SLC28A2: variants seen among roughly 807,000 people sequenced by gnomAD.
The protein encoded by SLC28A2 is sodium/nucleoside cotransporter 2.
SLC28A2 carries 69 observed loss-of-function variants against 72.9 expected under a neutral mutation model. The ratio of observed to expected loss-of-function variants is 0.95; its 90% CI spans 0.78 to 1.16. The LOEUF (loss-of-function observed/expected upper bound fraction) is 1.16, where lower values mean the gene tolerates loss of function less well. Among genes scored for constraint, SLC28A2 ranks in the 50% most tolerant of loss-of-function variants. The pLI is 0.00. For missense variants in SLC28A2, 745 were observed against 791.1 expected (o/e 0.94, Z 0.70); for synonymous variants, 296 against 294.1 (o/e 1.01, Z -0.07).
chr15:45,264,964 G>C, intron 7 of SLC28A2, 125 bp from the exon 8 acceptor site: 2 of 830,602 alleles, frequency 2.4e-6, no homozygotes, highest in Non-Finnish European at 4.1e-6. Context: ...CCCCTGGGCT[G>C]TCAAAGGGAG....
chr15:45,264,880 C>T (rs1389050068), intron 7 of SLC28A2, 112 bp downstream of exon 7: 1 of 777,312 alleles, frequency 1.3e-6, no homozygotes, highest in African/African-American at 1.7e-5. Context: ...GGTGGAAGAT[C>T]TGGTTGGGAA....
At chr15:45,267,412 GTTACACCTTCT>G in intron 10 of SLC28A2, 32 bp from the exon 11 acceptor site, 1 of 1,612,448 alleles carries the variant, frequency 6.2e-7, no homozygotes, top group Non-Finnish European at 8.5e-7. Context: ...GGCATGGGGA[GTTACACCTTCT>G]TGGAATCTGA....
chr15:45,262,881 A>C (rs183829634), intron 4 of SLC28A2, among the ~76,000 whole-genome samples, 180 bp from the exon 5 acceptor site: 2 of 152,318 alleles, frequency 1.3e-5, no homozygotes, highest in East Asian at 3.9e-4. Flanking sequence ...CCTCAAGAAG[A>C]GGACAGTTAG....
chr15:45,265,106 T>C lies in SLC28A2; in HGVS notation c.720T>C (p.Thr240=), dbSNP rs757982062. Residue 240 remains threonine (T), a synonymous_variant, in exon 8 of 18, where the codon ACT becomes ACC. Transcript: ENST00000347644. ...GEQVQIFLNY[T]VAGSSFVFGD... is the part of the protein sequence containing the mutation. ...CCCTTCAGATTTTCCTGAACTACAC[T>C]GTGGCCGGCTCCAGTTTTGTCTTTG... is the stretch of plus-strand genomic sequence containing the variant. 8.7e-6 allele frequency: 14 copies of C among 1,612,636 alleles called. No homozygotes were observed. Among genetic ancestry groups the C allele is most frequent in the Non-Finnish European group, 1.2e-5 (14 of 1,178,630 alleles).
chr15:45,269,592 G>C (rs1242052712), intron 14 of SLC28A2, 57 bp downstream of exon 14: 2 of 1,489,824 alleles, frequency 1.3e-6, no homozygotes, highest in African/African-American at 2.8e-5. Context: ...GGTTATCTGA[G>C]GGTAGACAGA....
intron 3 of SLC28A2, among the ~76,000 whole-genome samples, chr15:45,254,735 T>C (rs553742482): frequency 2.0e-4 from 30 of 152,366 alleles, no homozygotes; most frequent in African/African-American, 7.0e-4. Context: ...TTTTGAAAGT[T>C]ACCTCAGTGA....
chr15:45,268,069 G>C, intron 12 of SLC28A2, 141 bp from the exon 13 acceptor site: 1 of 786,294 alleles, frequency 1.3e-6, no homozygotes, highest in South Asian at 1.8e-5. Context: ...TCCACTAATA[G>C]GGTCACTGAG....
At position 45,266,120 on chromosome 15, in the gene SLC28A2, A is replaced by G; in HGVS notation, c.901A>G (p.Thr301Ala). The G allele has an allele frequency of 1.2e-6, 2 of 1,613,962 alleles. No homozygotes were observed. The highest frequency in any genetic ancestry group is 8.5e-7 in the Non-Finnish European group (1 of 1,179,804). Residue 301 changes from threonine to alanine, a missense_variant, in exon 10 of 18, where the codon ACA becomes GCA. Thr to Ala is a moderately conservative substitution (Grantham distance 58, BLOSUM62 0). Transcript: ENST00000347644. ...ACAAATCACTATGGGCACCACTGCT[A>G]CAGAGACCCTGGCTGTGGCAGGAAA... is the stretch of plus-strand genomic sequence containing the variant. ...FLQITMGTTA[T>A]ETLAVAGNIF...
rs766030424 is a variant in SLC28A2 at position 45,272,785 on chromosome 15, G to A, written c.1859+1G>A. On this transcript the variant is annotated splice_donor_variant, in intron 17 of 17. Transcript: ENST00000347644. LOFTEE classifies it high-confidence loss of function. Reference sequence around the variant, plus strand: ...TGTGCTGCAGAGGGCTCTTTCAGAGGTGAGCACCAGGACCCCATTCCTTTC... The same window carrying A: ...TGTGCTGCAGAGGGCTCTTTCAGAGATGAGCACCAGGACCCCATTCCTTTC... 5.3e-6 allele frequency: 8 copies of A among 1,505,522 alleles called. No individual in the cohort carries two copies. The African/African-American group carries it at 6.9e-5, about 13-fold the overall frequency. The allele number at this position is 1,505,522 out of a possible 1,614,324, so 93.3% of individuals were successfully genotyped here.
rs376585972 is a variant in SLC28A2, at chr15:45,272,287, G to A, written c.1649-8G>A. 7.8e-5 allele frequency: 125 copies of A among 1,611,452 alleles called. No homozygotes were observed. Among genetic ancestry groups the A allele is most frequent in the Non-Finnish European group, 1.0e-4 (119 of 1,178,884 alleles). ...AAAGCTGAAGTTATTTTATTTTATTGTCTGCAGCATCAATAGTACCTCACC... is the reference window on the plus strand; with the variant it reads ...AAAGCTGAAGTTATTTTATTTTATTATCTGCAGCATCAATAGTACCTCACC... On this transcript the variant is annotated splice_region_variant and splice_polypyrimidine_tract_variant and intron_variant, in intron 15 of 17. Transcript: ENST00000347644.
intron 3 of SLC28A2, among the ~76,000 whole-genome samples, chr15:45,259,301 T>C (rs1230210967): frequency 6.6e-6 from 1 of 152,322 alleles, no homozygotes; most frequent in East Asian, 1.9e-4. Flanking sequence ...AGCCATCATG[T>C]TGTATACCAT....
rs769219141 is a variant in SLC28A2, at chr15:45,253,304, C to T, written c.81+8C>T. 2 of 1,608,696 alleles carry T rather than the reference C, an allele frequency of 1.2e-6. No homozygotes were observed. Among genetic ancestry groups the T allele is most frequent in the Admixed American group, 1.7e-5 (1 of 59,968 alleles). ...CCGGGGCTGGAGCTCATGGTAATCA[C>T]CAGTTTAGTTTCTCTCTGCAGAGCT... On this transcript the variant is annotated splice_region_variant and intron_variant, in intron 2 of 17. Transcript: ENST00000347644.
chr15:45,269,084 G>A (rs1900449132), intron 13 of SLC28A2, among the ~76,000 whole-genome samples: 1 of 150,832 alleles, frequency 6.6e-6, no homozygotes, highest in African/African-American at 2.4e-5. Context: ...GAGTTGATGG[G>A]TGCAGCACAC....
intron 3 of SLC28A2, among the ~76,000 whole-genome samples, chr15:45,257,663 G>A (rs536731888): frequency 6.6e-6 from 1 of 152,068 alleles, no homozygotes; most frequent in East Asian, 1.9e-4. Context: ...GATGATCTGG[G>A]GTGCTTTGTA....
chr15:45,259,285 A>G (rs1900074455), intron 3 of SLC28A2, among the ~76,000 whole-genome samples: 2 of 152,178 alleles, frequency 1.3e-5, no homozygotes, highest in Non-Finnish European at 2.9e-5. Context: ...ATTTATATAT[A>G]TTTTAAGCCA....
At chr15:45,263,790 C>A in intron 5 of SLC28A2, 91 bp from the exon 6 acceptor site, 1 of 1,338,602 alleles carries the variant, frequency 7.5e-7, no homozygotes, top group Non-Finnish European at 1.0e-6. Context: ...GATCACAGGC[C>A]AGGAGTGAGA....
chr15:45,262,189 G>A, intron 4 of SLC28A2, 83 bp downstream of exon 4: 2 of 943,302 alleles, frequency 2.1e-6, no homozygotes, highest in East Asian at 2.4e-5. Flanking sequence ...CCAGGTGGAA[G>A]GCATTTTTAT....
Position 45,275,442 on chromosome 15 carries a change from G to A in SLC28A2, c.1906G>A (p.Glu636Lys). 2 of 1,613,880 alleles carry A rather than the reference G, an allele frequency of 1.2e-6. No homozygotes were observed. Among genetic ancestry groups the A allele is most frequent in the Non-Finnish European group, 1.7e-6 (2 of 1,179,792 alleles). The change falls in exon 18 of 18, where the codon GAA becomes AAA. Residue 636 changes from glutamate (E) to lysine (K), a missense_variant. Transcript: ENST00000347644. ...CCCTCCTTCTTTTTCTGGTCCCTGG[G>A]AAGATAAGGAGTTCAGTGCTATGGC... ...TNPPSFSGPW[E>K]DKEFSAMALT... is the part of the protein sequence containing the mutation.
intron 6 of SLC28A2, 106 bp from the exon 7 acceptor site, chr15:45,264,549 A>C: frequency 1.4e-6 from 1 of 738,194 alleles, no homozygotes; most frequent in South Asian, 1.6e-5. Flanking sequence ...CCCTAGACTT[A>C]CTGTTAATAT....
Sources: allele counts gnomAD v4.1 joint callset (sites outside exome capture counted in the v4.1 genomes callset), GRCh38; gene constraint gnomAD v4.1.1; transcripts MANE v1.5; gene names NCBI Gene and HGNC (gene_info 2026-07-23, HGNC 2026-07-21).